The following GLS variants were observed in gnomAD, a reference collection of about 807,000 sequenced individuals.
The protein encoded by GLS is glutaminase.
A neutral mutation model predicts 86.7 loss-of-function variants in GLS; 36 were observed. The ratio of observed to expected loss-of-function variants is 0.42; its 90% confidence interval spans 0.32 to 0.55. The LOEUF is 0.55. Ranked by LOEUF, GLS falls within the 20% of genes least tolerant of loss-of-function variation. GLS has a pLI of 0.17. For missense variants in GLS, 528 were observed against 833.4 expected, an observed-to-expected ratio of 0.63 and a Z score of 4.51; for synonymous variants, 317 against 305.9, an observed-to-expected ratio of 1.04 and a Z score of -0.38.
intron 6 of GLS, among the ~76,000 whole-genome samples, chr2:190,907,802 C>T (rs1553483863): frequency 1.3e-5 from 2 of 152,162 alleles, no homozygotes; most frequent in Admixed American, 6.5e-5. Flanking sequence ...CTTGGAATAA[C>T]TTTTCTGACT....
chr2:190,939,336 GTTAAAAC>G (rs2124929227), intron 14 of GLS, among the ~76,000 whole-genome samples: 1 of 151,774 alleles, frequency 6.6e-6, no homozygotes, highest in South Asian at 2.1e-4. Context: ...CTTACAAAAT[GTTAAAAC>G]TTAAATATTG....
rs970498062 is a variant in GLS, at chr2:190,920,859, G to GA, written c.1039-158dup. ...TCAACATATGGGTATTAAATAACAT[G>GA]AAAAAAAGTTTATATAAATGTTAAA... On this transcript the variant is annotated intron_variant, in intron 7 of 17. Transcript: ENST00000320717. This position sits in a 1 kb window ranked among gnomAD's most constrained non-coding sequence, Gnocchi z 4.2. 8 of 529,808 alleles carry GA rather than the reference G, an allele frequency of 1.5e-5. No individual in the cohort carries two copies. The highest frequency in any genetic ancestry group is 1.7e-5 in the Non-Finnish European group (5 of 295,152). 32.8% of individuals were successfully genotyped at this position (529,808 alleles called of 1,614,324 possible).
rs546142282 is a variant in GLS at position 190,908,025 on chromosome 2, G to A, written c.980-2238G>A. On this transcript the variant is annotated intron_variant, in intron 6 of 17. Coordinates refer to ENST00000320717, the MANE Select transcript of GLS (RefSeq NM_014905.5). ...GACTGAATTGATAGGATGAATTGTGGATGGTTGGGAAGAATGTGAGAGGGC... is the reference window on the plus strand; with the variant it reads ...GACTGAATTGATAGGATGAATTGTGAATGGTTGGGAAGAATGTGAGAGGGC... Among the ~76,000 whole-genome samples, 5 of 152,280 alleles carry A rather than the reference G, an allele frequency of 3.3e-5. No homozygotes were observed. In the South Asian group the frequency reaches 1.0e-3, roughly 32 times the overall value.
intron 14 of GLS, chr2:190,933,364 T>A (rs1430456433): frequency 1.1e-5 from 10 of 871,610 alleles, no homozygotes; most frequent in Non-Finnish European, 1.4e-5. Flanking sequence ...TTATTTAAAA[T>A]AGCAGTGGAT....
At chr2:190,912,921 A>C (rs1375498137) in intron 7 of GLS, among the ~76,000 whole-genome samples, 2 of 152,208 alleles carry the variant, frequency 1.3e-5, no homozygotes, top group African/African-American at 4.8e-5. Flanking sequence ...TCAGTAAAGA[A>C]ACAGGCCCTT....
At chr2:190,911,457 G>A (rs1394655606) in intron 7 of GLS, among the ~76,000 whole-genome samples, 1 of 152,092 alleles carries the variant, frequency 6.6e-6, no homozygotes, top group Non-Finnish European at 1.5e-5. Context: ...TGAAGTAGAT[G>A]TTATAGCCAA....
rs1397100749 is a variant in GLS at position 190,954,353 on chromosome 2, G to T, written c.1713-231G>T. Among the ~76,000 whole-genome samples, 2 of 152,044 alleles carry T rather than the reference G, an allele frequency of 1.3e-5. No homozygotes were observed. Among genetic ancestry groups the T allele is most frequent in the Non-Finnish European group, 2.9e-5 (2 of 68,018 alleles). ...TGTAATAAAGTTTAATTCTGTGAGA[G>T]ATGGTTAACATTTAATCTTACCTAA... On this transcript the variant is annotated intron_variant, in intron 15 of 17. Coordinates refer to ENST00000320717, the MANE Select transcript of GLS (RefSeq NM_014905.5). The surrounding 1 kb of genome is among the most constrained non-coding windows in gnomAD (Gnocchi z 4.0).
chr2:190,915,900 G>A (rs902456691), intron 7 of GLS, among the ~76,000 whole-genome samples: 7 of 152,180 alleles, frequency 4.6e-5, no homozygotes, highest in Non-Finnish European at 7.3e-5. Flanking sequence ...ATCTTAAGTT[G>A]TCAGTCAATA....
chr2:190,882,863 A>G (rs548506422), intron 1 of GLS, among the ~76,000 whole-genome samples: 2 of 152,172 alleles, frequency 1.3e-5, no homozygotes, highest in South Asian at 4.1e-4. Flanking sequence ...TACTTCTCTC[A>G]TGTTTTAGGG....
rs1173751364 is a variant in GLS, at chr2:190,921,469, G to C, written c.1130+266G>C. Among the ~76,000 whole-genome samples, 6 of 151,744 alleles carry C rather than the reference G, an allele frequency of 4.0e-5. No homozygotes were observed. Among genetic ancestry groups the C allele is most frequent in the Non-Finnish European group, 8.8e-5 (6 of 67,818 alleles). The stretch of plus-strand genomic sequence containing the variant: ...TACCTCTCTTCTATTTCTGTTCCAG[G>C]CTATCTGGATTTTTACCCCAATTTT... On this transcript the variant is annotated intron_variant, in intron 9 of 17. Coordinates refer to ENST00000320717, the MANE Select transcript of GLS (RefSeq NM_014905.5). This position sits in a 1 kb window ranked among gnomAD's most constrained non-coding sequence, Gnocchi z 4.2.
intron 9 of GLS, among the ~76,000 whole-genome samples, chr2:190,923,093 T>G (rs947329391): frequency 6.6e-6 from 1 of 152,192 alleles, no homozygotes; most frequent in African/African-American, 2.4e-5. Context: ...CTGCCTAAAT[T>G]CAGGCTTTTG....
intron 12 of GLS, among the ~76,000 whole-genome samples, chr2:190,929,098 A>G (rs955353011): frequency 3.3e-5 from 5 of 150,404 alleles, no homozygotes; most frequent in Non-Finnish European, 5.9e-5. Context: ...CAATTCTCCT[A>G]TCCAGAGGTA....
chr2:190,881,333 G>T lies in GLS; in HGVS notation c.249G>T (p.Leu83=). 6.5e-7 allele frequency: 1 copy of T among 1,531,304 alleles called. No individual in the cohort carries two copies. The highest frequency in any genetic ancestry group is 8.8e-7 in the Non-Finnish European group (1 of 1,139,320). The allele number at this position is 1,531,304 out of a possible 1,614,324, so 94.9% of individuals were successfully genotyped here. ...CTCCTTCGGAGATCTTGCAGGAGCT[G>T]GGCAAGGGGAGCACGCATCCGCAGC... ...SSSPSEILQE[L]GKGSTHPQPG... is the part of the protein sequence containing the mutation. Residue 83 remains leucine, a synonymous_variant, in exon 1 of 18, where the codon CTG becomes CTT. Coordinates refer to ENST00000320717, the MANE Select transcript of GLS (RefSeq NM_014905.5).
rs555803521 is a variant in GLS, at chr2:190,963,636, T to A, written c.*650T>A. ...TGTAGTTATAATGCTTTTGAAAAAT[T>A]TTCCTTTTTCTATATCCCCTTAGTC... On this transcript the variant is annotated 3_prime_UTR_variant, in exon 18 of 18. Transcript: ENST00000320717. 1.3e-5 allele frequency: 2 copies of A among 152,592 alleles called. No homozygotes were observed. The highest frequency in any genetic ancestry group is 2.9e-5 in the Non-Finnish European group (2 of 68,020). 9.5% of individuals were successfully genotyped at this position (152,592 alleles called of 1,614,324 possible).
In GLS at chr2:190,930,070, GT is replaced by G. The variant is rs1162406978; in HGVS notation, c.1426-353del. Among the ~76,000 whole-genome samples, 167 of 135,310 alleles carry G rather than the reference GT, an allele frequency of 1.2e-3. No homozygotes were observed. Among genetic ancestry groups the G allele is most frequent in the South Asian group, 2.1e-3 (9 of 4,232 alleles). The allele number at this position is 135,310 out of a possible 152,430, so 88.8% of individuals were successfully genotyped here. On this transcript the variant is annotated intron_variant, in intron 12 of 17. Transcript: ENST00000320717. The surrounding 1 kb of genome is among the most constrained non-coding windows in gnomAD (Gnocchi z 5.0). ...ATTTTTAAACCAATTTCCCAATTGTGTTTTTTTTTTTTTTGAAACTGGATCT... is the reference window on the plus strand; with the variant it reads ...ATTTTTAAACCAATTTCCCAATTGTGTTTTTTTTTTTTTGAAACTGGATCT...
rs57674096 is a variant in GLS at position 190,880,872 on chromosome 2, CGCAGCAGCAGCAGCA to C, written c.-179_-165del. ...AGAACCGGTCGCGGCAATCCTAGCG[CGCAGCAGCAGCAGCA>C]GCAGCAGCAGCAGCAGCAGCAGCAG... On this transcript the variant is annotated 5_prime_UTR_variant, in exon 1 of 18. Transcript: ENST00000320717. 6,309 of 742,618 alleles carry C rather than the reference CGCAGCAGCAGCAGCA, an allele frequency of 8.5e-3. 158 individuals carry two copies. The highest frequency in any genetic ancestry group is 0.039 in the African/African-American group (2,192 of 55,794). 46.0% of individuals were successfully genotyped at this position (742,618 alleles called of 1,614,324 possible).
In GLS at chr2:190,956,366, CCCCA is replaced by C. The variant is rs1690861306; in HGVS notation, c.1853+1549_1853+1552del. The stretch of plus-strand genomic sequence containing the variant: ...GCTAGCCAGTTTTCCCAATACCTTT[CCCCA>C]TTGCTTGTTTTTGTCAGGTTTGTCA... On this transcript the variant is annotated intron_variant, in intron 17 of 17. Transcript: ENST00000320717. This position sits in a 1 kb window ranked among gnomAD's most constrained non-coding sequence, Gnocchi z 4.2. Among the ~76,000 whole-genome samples the C allele has an allele frequency of 6.6e-6, 1 of 150,914 alleles. No homozygotes were observed. Among genetic ancestry groups the C allele is most frequent in the Admixed American group, 6.6e-5 (1 of 15,168 alleles).
At position 190,895,400 on chromosome 2, in the gene GLS, C is replaced by T. The variant is rs940880174; in HGVS notation, c.483+152C>T. The T allele has an allele frequency of 1.5e-5, 8 of 544,612 alleles. No individual in the cohort carries two copies. The highest frequency in any genetic ancestry group is 2.6e-5 in the Non-Finnish European group (8 of 310,712). 33.7% of individuals were successfully genotyped at this position (544,612 alleles called of 1,614,324 possible). A position where few individuals can be genotyped will look rare whatever the true frequency, so the allele number is the denominator to read the frequency against. The stretch of plus-strand genomic sequence containing the variant: ...TATGTTTTCAAATTTTTGTCATGCT[C>T]ATTTCAAGGTAATCAGTGAAAGAAA... On this transcript the variant is annotated intron_variant, in intron 2 of 17. Transcript: ENST00000320717. This position sits in a 1 kb window ranked among gnomAD's most constrained non-coding sequence, Gnocchi z 4.2.
chr2:190,898,970 G>T (rs1419838999), intron 3 of GLS, among the ~76,000 whole-genome samples: 1 of 152,138 alleles, frequency 6.6e-6, no homozygotes, highest in Non-Finnish European at 1.5e-5. Flanking sequence ...ATAGTTAAAT[G>T]GTAGTAGGTT....
Sources: allele counts gnomAD v4.1 joint callset (sites outside exome capture counted in the v4.1 genomes callset), GRCh38; gene constraint gnomAD v4.1.1; non-coding constraint Gnocchi (gnomAD v3.1); transcripts MANE v1.5; gene names NCBI Gene and HGNC (gene_info 2026-07-23, HGNC 2026-07-21).